The following ZNF385D variants were observed in gnomAD, a reference collection of about 807,000 sequenced individuals.
ZNF385D encodes the protein zinc finger protein 659.
A neutral mutation model predicts 35.8 loss-of-function variants in ZNF385D; 15 were observed. The observed-to-expected ratio is 0.42, with a 90% confidence interval of 0.28 to 0.64. ZNF385D has a LOEUF of 0.64. ZNF385D is among the 30% of genes least tolerant of loss of function. The probability of loss-of-function intolerance (pLI) is 0.23; values close to 1 mark genes in which losing one functional copy is unlikely to be tolerated. For synonymous variants in ZNF385D, 212 were observed against 186.8 expected (o/e 1.13, Z -1.10); for missense variants, 474 against 494.6 (o/e 0.96, Z 0.39).
intron 1 of ZNF385D, among the ~76,000 whole-genome samples, chr3:21,721,512 TA>T (rs1246404598): frequency 1.3e-5 from 2 of 152,006 alleles, no homozygotes; most frequent in African/African-American, 2.4e-5. Context: ...AAAAGTAACT[TA>T]TTTTTTTGCT....
chr3:21,744,736 C>T (rs530625127), intron 1 of ZNF385D, among the ~76,000 whole-genome samples: 3 of 152,106 alleles, frequency 2.0e-5, no homozygotes. Context: ...CGGCTTTACA[C>T]TGCAGAGTCC....
intron 2 of ZNF385D, among the ~76,000 whole-genome samples, chr3:22,288,941 T>C (rs1702159005): frequency 6.6e-6 from 1 of 152,062 alleles, no homozygotes; most frequent in Non-Finnish European, 1.5e-5. Context: ...CTGACTCTGT[T>C]TTTAGCGGCC....
At chr3:21,470,344 A>G (rs1196607557) in intron 4 of ZNF385D, among the ~76,000 whole-genome samples, 1 of 152,150 alleles carries the variant, frequency 6.6e-6, no homozygotes, top group Non-Finnish European at 1.5e-5. Context: ...TTCTCAGCCC[A>G]AATTCACTAG....
chr3:21,578,509 T>C (rs77859280), intron 2 of ZNF385D, among the ~76,000 whole-genome samples: 3,496 of 152,262 alleles, frequency 0.023, 52 homozygotes, highest in Non-Finnish European at 0.033. Context: ...TTATATAATA[T>C]ATGGGGAGAG....
At chr3:22,292,297 G>A (rs547218591) in intron 2 of ZNF385D, among the ~76,000 whole-genome samples, 54 of 151,932 alleles carry the variant, frequency 3.6e-4, no homozygotes, top group Middle Eastern at 3.4e-3. Flanking sequence ...CAATATATGC[G>A]AAAACATGCT....
chr3:22,348,303 A>G (rs1695751203), intron 2 of ZNF385D, among the ~76,000 whole-genome samples: 1 of 152,042 alleles, frequency 6.6e-6, no homozygotes, highest in African/African-American at 2.4e-5. Flanking sequence ...ATTACTAAAA[A>G]TGAAGTTGTT....
chr3:21,814,199 G>A (rs895914700), intron 3 of ZNF385D, among the ~76,000 whole-genome samples: 3 of 152,170 alleles, frequency 2.0e-5, no homozygotes, highest in African/African-American at 7.2e-5. Flanking sequence ...CCTGAAGGAA[G>A]CACTAAACAT....
intron 4 of ZNF385D, among the ~76,000 whole-genome samples, chr3:21,472,417 C>G (rs752998399): frequency 6.6e-5 from 10 of 152,244 alleles, no homozygotes; most frequent in Non-Finnish European, 1.3e-4. Context: ...AGGTGGTCAA[C>G]TCCAATTTAG....
chr3:22,330,073 T>C (rs1197504606), intron 2 of ZNF385D, among the ~76,000 whole-genome samples: 3 of 152,184 alleles, frequency 2.0e-5, no homozygotes, highest in Admixed American at 6.5e-5. Flanking sequence ...TGATCGATTC[T>C]CCTTTAAACT....
intron 1 of ZNF385D, among the ~76,000 whole-genome samples, chr3:21,695,681 C>A (rs1307494332): frequency 6.6e-6 from 1 of 151,938 alleles, no homozygotes; most frequent in Non-Finnish European, 1.5e-5. Context: ...AAGCTATGCC[C>A]AGGAGTATGA....
intron 3 of ZNF385D, among the ~76,000 whole-genome samples, chr3:21,556,970 G>GTTTT (rs2062763389): frequency 1.3e-5 from 2 of 152,086 alleles, no homozygotes; most frequent in Non-Finnish European, 2.9e-5. Context: ...TTGGCCCTCT[G>GTTTT]TCTGTTATTG....
At chr3:22,361,852 C>T (rs537123748) in intron 2 of ZNF385D, among the ~76,000 whole-genome samples, 1 of 151,832 alleles carries the variant, frequency 6.6e-6, no homozygotes, top group Non-Finnish European at 1.5e-5. Flanking sequence ...GCCTACCCAC[C>T]TAATTTGTGG....
chr3:21,443,354 T>A, intron 4 of ZNF385D: 1 of 985,316 alleles, frequency 1.0e-6, no homozygotes, highest in Non-Finnish European at 1.2e-6. Context: ...AGGCGAAACT[T>A]GATACATATT....
chr3:22,217,096 G>C (rs1697935333), intron 2 of ZNF385D, among the ~76,000 whole-genome samples: 1 of 152,096 alleles, frequency 6.6e-6, no homozygotes, highest in East Asian at 1.9e-4. Context: ...AGGTAAAAGA[G>C]AACCATTAAA....
intron 2 of ZNF385D, among the ~76,000 whole-genome samples, chr3:22,242,590 T>G (rs996535623): frequency 6.6e-6 from 1 of 150,926 alleles, no homozygotes; most frequent in African/African-American, 2.5e-5. Flanking sequence ...CAGCCAAGGT[T>G]ATAACGAAGG....
At chr3:22,130,876 G>GT (rs1314599286) in intron 3 of ZNF385D, among the ~76,000 whole-genome samples, 1 of 152,038 alleles carries the variant, frequency 6.6e-6, no homozygotes, top group Non-Finnish European at 1.5e-5. Context: ...AGTGGGTTCT[G>GT]TTTGGCCATC....
intron 2 of ZNF385D, among the ~76,000 whole-genome samples, chr3:21,569,922 A>AGGGGGGGGGG (rs1575210384): frequency 4.6e-4 from 53 of 115,272 alleles, no homozygotes; most frequent in African/African-American, 7.3e-4. Flanking sequence ...GTGGGGGGGC[A>AGGGGGGGGGG]GGGAGGGATA....
chr3:22,111,943 C>G (rs1426641848), intron 3 of ZNF385D, among the ~76,000 whole-genome samples: 3 of 152,096 alleles, frequency 2.0e-5, no homozygotes, highest in Non-Finnish European at 2.9e-5. Flanking sequence ...TTGTCTACTT[C>G]CATCAAATGC....
At chr3:22,220,702 G>C (rs970837460) in intron 2 of ZNF385D, among the ~76,000 whole-genome samples, 7 of 152,054 alleles carry the variant, frequency 4.6e-5, no homozygotes, top group Middle Eastern at 3.2e-3. Context: ...TGATTACATA[G>C]ACTCTTATAG....
Sources: allele counts gnomAD v4.1 joint callset (sites outside exome capture counted in the v4.1 genomes callset), GRCh38; gene constraint gnomAD v4.1.1; transcripts MANE v1.5; gene names NCBI Gene and HGNC (gene_info 2026-07-23, HGNC 2026-07-21).